COBL: variants seen among roughly 807,000 people sequenced by gnomAD.
COBL encodes protein cordon-bleu.
COBL carries 51 observed loss-of-function variants against 98.8 expected under a neutral mutation model. That is an observed-to-expected ratio of 0.52 (90% CI 0.41 to 0.65). COBL has a LOEUF of 0.65. COBL is among the 30% of genes least tolerant of loss of function. COBL has a pLI of 0.00. For synonymous variants in COBL, 634 were observed against 651.7 expected (o/e 0.97, Z 0.41); for missense variants, 1,617 against 1,617.5 (o/e 1.00, Z 0.01).
chr7:51,189,187 T>C (rs1789842200), intron 4 of COBL, among the ~76,000 whole-genome samples: 1 of 152,174 alleles, frequency 6.6e-6, no homozygotes. Flanking sequence ...ACAGTCCATG[T>C]ATCTTATACT....
chr7:51,021,316 T>A (rs1024473), intron 12 of COBL: 99,054 of 151,952 alleles, frequency 0.65, 34,718 homozygotes, highest in Non-Finnish European at 0.8. Flanking sequence ...TTTACTTTTT[T>A]AAAAAAATTT....
intron 2 of COBL, among the ~76,000 whole-genome samples, chr7:51,215,301 C>T (rs1029947946): frequency 5.3e-5 from 8 of 152,160 alleles, no homozygotes; most frequent in Non-Finnish European, 1.0e-4. Context: ...AAAAGATTTT[C>T]GTAAAGAAAA....
At chr7:51,169,120 C>T (rs376315995) in intron 5 of COBL, among the ~76,000 whole-genome samples, 5 of 152,264 alleles carry the variant, frequency 3.3e-5, no homozygotes, top group Admixed American at 6.5e-5. Context: ...GCCTGCTACC[C>T]GGAGGCTTCA....
intron 5 of COBL, among the ~76,000 whole-genome samples, chr7:51,156,980 G>A (rs1258979995): frequency 2.0e-5 from 3 of 152,136 alleles, no homozygotes; most frequent in African/African-American, 4.8e-5. Context: ...TTCTCACAAG[G>A]AGAACCGAGC....
intron 6 of COBL, among the ~76,000 whole-genome samples, chr7:51,125,508 G>A (rs1223864744): frequency 1.3e-5 from 2 of 152,330 alleles, no homozygotes; most frequent in South Asian, 4.1e-4. Flanking sequence ...AATTATGCTT[G>A]TAAAAATTCA....
At chr7:51,187,936 G>C in intron 4 of COBL, 1 of 1,232,456 alleles carries the variant, frequency 8.1e-7, no homozygotes, top group Non-Finnish European at 1.0e-6. Flanking sequence ...GGGAAGGCTC[G>C]GACTGAGTTT....
At chr7:51,073,361 G>T in intron 7 of COBL, 1 of 697,274 alleles carries the variant, frequency 1.4e-6, no homozygotes, top group Non-Finnish European at 2.6e-6. Context: ...CTTGGCCTGA[G>T]TAGGGAATGA....
chr7:51,081,055 T>C (rs1224035773), intron 7 of COBL, among the ~76,000 whole-genome samples: 4 of 152,116 alleles, frequency 2.6e-5, no homozygotes, highest in African/African-American at 4.8e-5. Context: ...TCCGAGATGC[T>C]TGAACATGTG....
intron 6 of COBL, among the ~76,000 whole-genome samples, chr7:51,129,261 G>A (rs1220883599): frequency 6.6e-6 from 1 of 152,002 alleles, no homozygotes; most frequent in Non-Finnish European, 1.5e-5. Context: ...ACTTGTGTCT[G>A]GAGGGCCGGC....
Position 51,028,026 on chromosome 7 carries a change from G to T in COBL, c.3070C>A (p.Pro1024Thr). 6.2e-7 allele frequency: 1 copy of T among 1,605,200 alleles called. No homozygotes were observed. Among genetic ancestry groups the T allele is most frequent in the African/African-American group, 1.3e-5 (1 of 74,924 alleles). Reference sequence around the variant, plus strand: ...CAGGCCTGAGTGTCAGATGTGTGTGGAGGGGGTGGGTCTGTACCATCAGGT... The same window carrying T: ...CAGGCCTGAGTGTCAGATGTGTGTGTAGGGGGTGGGTCTGTACCATCAGGT... ...RAPDGTDPPP[P>T]HTSDTQACSR... The change falls in exon 10 of 13, where the codon CCA becomes ACA. Residue 1024 changes from proline (P) to threonine (T), a missense_variant. Around this residue, in one of 3 missense-constraint regions of COBL, gnomAD observed 1,304 missense variants for 1,282.0 expected, o/e 1.02. Coordinates refer to ENST00000265136, the MANE Select transcript of COBL (RefSeq NM_015198.5).
At chr7:51,034,845 TC>T (rs1788480050) in intron 8 of COBL, 4 of 152,248 alleles carry the variant, frequency 2.6e-5, no homozygotes, top group Admixed American at 2.6e-4. Context: ...GACAGTTTGT[TC>T]TGGCTTAAGA....
At chr7:51,301,648 C>T (rs1023085636) in intron 1 of COBL, among the ~76,000 whole-genome samples, 30 of 152,242 alleles carry the variant, frequency 2.0e-4, no homozygotes, top group African/African-American at 7.0e-4. Context: ...AGGCCTCTGA[C>T]CAATCCCCCA....
chr7:51,083,907 A>G (rs759912306), intron 7 of COBL, among the ~76,000 whole-genome samples: 1 of 152,154 alleles, frequency 6.6e-6, no homozygotes, highest in Non-Finnish European at 1.5e-5. Flanking sequence ...CCAACCACAT[A>G]CAGCCATTTA....
At chr7:51,117,912 G>A (rs1408264371) in intron 6 of COBL, among the ~76,000 whole-genome samples, 1 of 152,192 alleles carries the variant, frequency 6.6e-6, no homozygotes, top group East Asian at 1.9e-4. Context: ...TTCTTGAGCA[G>A]CAATCAAATC....
chr7:51,151,373 A>G (rs1785540193), intron 5 of COBL, among the ~76,000 whole-genome samples: 1 of 152,118 alleles, frequency 6.6e-6, no homozygotes, highest in South Asian at 2.1e-4. Flanking sequence ...GCAAGTGGAC[A>G]TCTCTCCTCT....
In COBL at chr7:51,252,378, T is replaced by A. The variant is rs528981965; in HGVS notation, c.42-32434A>T. Among the ~76,000 whole-genome samples the A allele has an allele frequency of 1.8e-3, 278 of 152,308 alleles. 1 individual carries two copies. Among genetic ancestry groups the A allele is most frequent in the African/African-American group, 6.4e-3 (265 of 41,568 alleles). ...AGCATCAGCAGTCACCCCCTTTTTT[T>A]CTTCCAATCTCCCCAGCCCTAGACA... On this transcript the variant is annotated intron_variant, in intron 1 of 12. Transcript: ENST00000265136.
At chr7:51,155,933 A>G (rs890081483) in intron 5 of COBL, among the ~76,000 whole-genome samples, 3 of 152,196 alleles carry the variant, frequency 2.0e-5, no homozygotes, top group Non-Finnish European at 4.4e-5. Flanking sequence ...CATGCAACCA[A>G]GCAAAACACA....
intron 1 of COBL, among the ~76,000 whole-genome samples, chr7:51,304,563 T>C (rs552924832): frequency 1.3e-5 from 2 of 152,266 alleles, no homozygotes; most frequent in South Asian, 4.1e-4. Context: ...ATTTCTACCA[T>C]AAGAAAACAA....
intron 1 of COBL, among the ~76,000 whole-genome samples, chr7:51,243,675 T>A (rs1796019060): frequency 6.6e-6 from 1 of 152,140 alleles, no homozygotes; most frequent in Non-Finnish European, 1.5e-5. Context: ...ATGATCCTAC[T>A]GATATAAAAT....
Sources: allele counts gnomAD v4.1 joint callset (sites outside exome capture counted in the v4.1 genomes callset), GRCh38; gene constraint gnomAD v4.1.1; regional missense constraint gnomAD v4.1.1; transcripts MANE v1.5; gene names NCBI Gene and HGNC (gene_info 2026-07-23, HGNC 2026-07-21).